MAP2K1: variants seen among roughly 807,000 people sequenced by gnomAD.
MAP2K1 encodes the protein dual specificity mitogen-activated protein kinase kinase 1.
Under a neutral mutation model 46.3 loss-of-function variants are expected in MAP2K1, and 16 were observed. The observed-to-expected ratio is 0.35, with a 90% CI of 0.23 to 0.52. The LOEUF (loss-of-function observed/expected upper bound fraction) is 0.52, where lower values mean the gene tolerates loss of function less well. Ranked by LOEUF, MAP2K1 falls within the 20% of genes least tolerant of loss-of-function variation. The pLI is 0.94. For synonymous variants in MAP2K1, 183 were observed against 185.6 expected (o/e 0.99, Z 0.11); for missense variants, 263 against 497.1 (o/e 0.53, Z 4.48).
chr15:66,430,146 C>T (rs1341015069), intron 1 of MAP2K1, among the ~76,000 whole-genome samples: 6 of 151,836 alleles, frequency 4.0e-5, no homozygotes, highest in African/African-American at 1.5e-4. Flanking sequence ...GCCTTTATCT[C>T]TAGGTGCTGG....
At chr15:66,402,060 G>A in intron 1 of MAP2K1, 2 of 1,177,110 alleles carry the variant, frequency 1.7e-6, no homozygotes, top group Non-Finnish European at 2.3e-6. Context: ...TATATGCTTT[G>A]TATTTTGAAG....
chr15:66,475,992 A>G (rs1476467508), intron 5 of MAP2K1, among the ~76,000 whole-genome samples: 1 of 152,226 alleles, frequency 6.6e-6, no homozygotes, highest in African/African-American at 2.4e-5. Flanking sequence ...CTTGAGGGAA[A>G]AATCAGGAGG....
chr15:66,407,310 C>T (rs1039290144), intron 1 of MAP2K1, among the ~76,000 whole-genome samples: 1 of 151,958 alleles, frequency 6.6e-6, no homozygotes, highest in African/African-American at 2.4e-5. Flanking sequence ...TTGAATATTT[C>T]TGCCCCCACA....
intron 5 of MAP2K1, chr15:66,453,662 A>G (rs187203100): frequency 1.8e-5 from 11 of 597,680 alleles, no homozygotes; most frequent in Admixed American, 1.1e-4. Flanking sequence ...TATATTCTTC[A>G]CTGATGAAAT....
chr15:66,404,106 A>G (rs2093389631), intron 1 of MAP2K1, among the ~76,000 whole-genome samples: 1 of 152,212 alleles, frequency 6.6e-6, no homozygotes, highest in Admixed American at 6.5e-5. Flanking sequence ...AATAATAGAA[A>G]ATGTATCCTG....
At chr15:66,436,347 T>G (rs2093488085) in intron 2 of MAP2K1, among the ~76,000 whole-genome samples, 1 of 152,360 alleles carries the variant, frequency 6.6e-6, no homozygotes, top group Non-Finnish European at 1.5e-5. Context: ...CACATCAGGC[T>G]CCTGAGCTCA....
At chr15:66,387,983 T>C (rs1283097266) in intron 1 of MAP2K1, among the ~76,000 whole-genome samples, 1 of 152,168 alleles carries the variant, frequency 6.6e-6, no homozygotes, top group Admixed American at 6.5e-5. Context: ...CTTGCTGACT[T>C]TGGAGGTTCC....
chr15:66,459,074 G>T (rs1004542009), intron 5 of MAP2K1, among the ~76,000 whole-genome samples: 1 of 152,042 alleles, frequency 6.6e-6, no homozygotes, highest in African/African-American at 2.4e-5. Flanking sequence ...CAGCACTTTG[G>T]GAGGTTGAGG....
At chr15:66,401,865 A>G in intron 1 of MAP2K1, 4 of 676,210 alleles carry the variant, frequency 5.9e-6, no homozygotes, top group South Asian at 4.4e-5. Flanking sequence ...CAAGTGGGAA[A>G]GCCTGGGATG....
chr15:66,408,727 A>G (rs1279627907), intron 1 of MAP2K1, among the ~76,000 whole-genome samples: 1 of 151,894 alleles, frequency 6.6e-6, no homozygotes, highest in Non-Finnish European at 1.5e-5. Context: ...CTCTGCTCAT[A>G]CTATGTCTTC....
At chr15:66,408,004 A>C (rs1369447532) in intron 1 of MAP2K1, among the ~76,000 whole-genome samples, 1 of 152,230 alleles carries the variant, frequency 6.6e-6, no homozygotes. Context: ...TTTGAGTTTG[A>C]ATTCTGACCC....
chr15:66,414,398 A>C (rs1453179843), intron 1 of MAP2K1, among the ~76,000 whole-genome samples: 1 of 152,218 alleles, frequency 6.6e-6, no homozygotes, highest in Non-Finnish European at 1.5e-5. Context: ...TTCTGATTAC[A>C]ATTTTATTAT....
intron 5 of MAP2K1, among the ~76,000 whole-genome samples, chr15:66,456,168 C>T (rs768789512): frequency 6.6e-6 from 1 of 152,102 alleles, no homozygotes; most frequent in Non-Finnish European, 1.5e-5. Context: ...GTGAATTACT[C>T]GTTAGGCATA....
At chr15:66,407,844 AAAAAC>A (rs2093401575) in intron 1 of MAP2K1, among the ~76,000 whole-genome samples, 4 of 152,250 alleles carry the variant, frequency 2.6e-5, no homozygotes, top group African/African-American at 4.8e-5. Flanking sequence ...TTCGTCTGTT[AAAAAC>A]AAAACAAAAG....
At chr15:66,415,143 C>G in intron 1 of MAP2K1, 1 of 525,598 alleles carries the variant, frequency 1.9e-6, no homozygotes, top group Non-Finnish European at 3.8e-6. Context: ...AGCTTGGCAG[C>G]TCCCCTAGTT....
intron 5 of MAP2K1, among the ~76,000 whole-genome samples, chr15:66,475,320 G>A (rs1001985919): frequency 1.3e-5 from 2 of 152,180 alleles, no homozygotes; most frequent in African/African-American, 2.4e-5. Context: ...GAAGCCTAAA[G>A]TCGCCATTTT....
chr15:66,485,372 A>G lies in MAP2K1; in HGVS notation c.895+181A>G, dbSNP rs77824107. ...CAGGTGGGTGTTGTTACTACCAACA[A>G]CTTCCTACCATTTGTTGAGTACGTA... On this transcript the variant is annotated intron_variant, in intron 7 of 10. Transcript: ENST00000307102. Among the ~76,000 whole-genome samples the G allele has an allele frequency of 0.016, 2,418 of 152,256 alleles. 60 individuals are homozygous for G. Among genetic ancestry groups the G allele is most frequent in the African/African-American group, 0.055 (2,273 of 41,526 alleles).
chr15:66,452,307 A>G (rs1187161032), intron 5 of MAP2K1, among the ~76,000 whole-genome samples: 4 of 148,826 alleles, frequency 2.7e-5, no homozygotes, highest in East Asian at 2.0e-4. Flanking sequence ...AAAAAAAGAA[A>G]AAAAAAAGCT....
intron 4 of MAP2K1, among the ~76,000 whole-genome samples, chr15:66,444,261 C>T (rs772620538): frequency 2.1e-5 from 3 of 146,282 alleles, no homozygotes; most frequent in Non-Finnish European, 4.5e-5. Flanking sequence ...AGCCCAGGCA[C>T]GGTGGCTTAC....
Sources: allele counts gnomAD v4.1 joint callset (sites outside exome capture counted in the v4.1 genomes callset), GRCh38; gene constraint gnomAD v4.1.1; transcripts MANE v1.5; gene names NCBI Gene and HGNC (gene_info 2026-07-23, HGNC 2026-07-21).